PKP3: variants seen among roughly 807,000 people sequenced by gnomAD.
PKP3 encodes plakophilin 3.
A neutral mutation model predicts 76.5 loss-of-function variants in PKP3; 66 were observed. That is an observed-to-expected ratio of 0.86 (90% CI 0.71 to 1.06). The LOEUF (loss-of-function observed/expected upper bound fraction) is 1.06. Among genes scored for constraint, PKP3 ranks in the 50% least tolerant of loss-of-function variants. The probability of loss-of-function intolerance (pLI) is 0.00; values close to 1 mark genes in which losing one functional copy is unlikely to be tolerated. For synonymous variants in PKP3, 638 were observed against 516.5 expected (o/e 1.24, Z -3.19); for missense variants, 1,338 against 1,141.0 (o/e 1.17, Z -2.49).
intron 1 of PKP3, 142 bp downstream of exon 1, chr11:394,666 G>GC (rs35243563): frequency 0.75 from 518,574 of 688,802 alleles, 199,218 homozygotes; most frequent in East Asian, 1. Flanking sequence ...CCCCGCCCCA[G>GC]GGGCGTGGGG....
In PKP3 at chr11:397,444, G is replaced by A. The variant is rs763252536; in HGVS notation, c.943G>A (p.Gly315Ser). 5.1e-5 allele frequency: 83 copies of A among 1,612,024 alleles called. No individual in the cohort carries two copies. The highest frequency in any genetic ancestry group is 1.6e-4 in the Middle Eastern group (1 of 6,082). Residue 315 changes from glycine to serine, a missense_variant and splice_region_variant, in exon 3 of 13, where the codon GGT (glycine) becomes AGT (serine). Physicochemically the swap from Gly to Ser is moderately conservative, Grantham distance 56. Transcript: ENST00000331563. ...SHRTLQRLSSGFDDIDLPSAV... is the reference protein window; with the variant it reads ...SHRTLQRLSSSFDDIDLPSAV... Reference sequence around the variant, plus strand: ...CCGAACCCTGCAGAGACTCAGCAGCGGGTGAGCGGCTGGGCCCGGCTCAGG... The same window carrying A: ...CCGAACCCTGCAGAGACTCAGCAGCAGGTGAGCGGCTGGGCCCGGCTCAGG...
Position 403,724 on chromosome 11 carries a change from G to C in PKP3, c.2030G>C (p.Gly677Ala). 1 of 1,609,864 alleles carries C rather than the reference G, an allele frequency of 6.2e-7. No homozygotes were observed. The highest frequency in any genetic ancestry group is 8.5e-7 in the Non-Finnish European group (1 of 1,179,860). Residue 677 changes from glycine to alanine, a missense_variant, in exon 10 of 13, where the codon GGC (glycine) becomes GCC (alanine). Transcript: ENST00000331563. The stretch of plus-strand genomic sequence containing the variant: ...CACCACCAGCTGCGCTCACTGACTG[G>C]CCTCATCCGAAACCTGTCTCGGAAC... The part of the protein sequence containing the change: ...ADHHQLRSLT[G>A]LIRNLSRNAR...
intron 1 of PKP3, among the ~76,000 whole-genome samples, chr11:395,091 A>AC (rs1432263966): frequency 6.6e-6 from 1 of 151,856 alleles, no homozygotes; most frequent in Admixed American, 6.6e-5. Context: ...GTGGAGGAGC[A>AC]CCCCTCGGTG....
At chr11:400,777 C>A in intron 8 of PKP3, 72 bp downstream of exon 8, 17 of 863,198 alleles carry the variant, frequency 2.0e-5, no homozygotes, top group Non-Finnish European at 2.5e-5. Context: ...GCCCCGCTCA[C>A]CCCCGCCCCG....
At position 398,981 on chromosome 11, in the gene PKP3, T is replaced by C; in HGVS notation, c.1069-11T>C. 3.2e-6 allele frequency: 5 copies of C among 1,552,232 alleles called. No homozygotes were observed. Among genetic ancestry groups the C allele is most frequent in the Non-Finnish European group, 4.4e-6 (5 of 1,145,690 alleles). On this transcript the variant is annotated splice_polypyrimidine_tract_variant and intron_variant, in intron 4 of 12. Coordinates refer to ENST00000331563, the MANE Select transcript of PKP3 (RefSeq NM_007183.4). Reference sequence around the variant, plus strand: ...ATGCGTCTGTGCACCCCCATATGCCTGTGCCCGCAGGCCCGCAGCCTTCAG... The same window carrying C: ...ATGCGTCTGTGCACCCCCATATGCCCGTGCCCGCAGGCCCGCAGCCTTCAG...
chr11:403,513 C>G, intron 9 of PKP3, 105 bp from the exon 10 acceptor site: 2 of 1,163,938 alleles, frequency 1.7e-6, no homozygotes, highest in Non-Finnish European at 2.4e-6. Context: ...AAGCAGAGGC[C>G]CCCCTGAGGG....
chr11:400,674 G>C lies in PKP3; in HGVS notation c.1706G>C (p.Cys569Ser). The C allele has an allele frequency of 7.6e-7, 1 of 1,314,108 alleles. No individual in the cohort carries two copies. 81.4% of individuals were successfully genotyped at this position (1,314,108 alleles called of 1,614,324 possible). A position where few individuals can be genotyped will look rare whatever the true frequency, so the allele number is the denominator to read the frequency against. Residue 569 changes from cysteine to serine, a missense_variant, in exon 8 of 13, where the codon TGC becomes TCC. Transcript: ENST00000331563. The stretch of plus-strand genomic sequence containing the variant: ...GCGCCGCCGGGAGAGGTCGTGGGCT[G>C]CTTCACGCCGCAGAGCCGGCGGCTG... ...AGAPPGEVVG[C>S]FTPQSRRLRE...
At position 397,584 on chromosome 11, in the gene PKP3, T is replaced by C. The variant is rs892140977; in HGVS notation, c.990T>C (p.Ala330=). 12 of 1,612,012 alleles carry C rather than the reference T, an allele frequency of 7.4e-6. No homozygotes were observed. Among genetic ancestry groups the C allele is most frequent in the Non-Finnish European group, 1.0e-5 (12 of 1,179,542 alleles). Reference sequence around the variant, plus strand: ...CCTCAGCAGTCAAGTACCTCATGGCTTCAGACCCCAACCTGCAGGTGCTGG... The same window carrying C: ...CCTCAGCAGTCAAGTACCTCATGGCCTCAGACCCCAACCTGCAGGTGCTGG... ...DLPSAVKYLM[A]SDPNLQVLGA... is the part of the protein sequence containing the mutation. Residue 330 remains alanine, a synonymous_variant, in exon 4 of 13, where the codon GCT becomes GCC. Coordinates refer to ENST00000331563, the MANE Select transcript of PKP3 (RefSeq NM_007183.4).
chr11:398,941 T>C (rs1230875845), intron 4 of PKP3, 51 bp from the exon 5 acceptor site: 5 of 1,327,768 alleles, frequency 3.8e-6, no homozygotes, highest in Non-Finnish European at 5.2e-6. Context: ...AGGTGCATAG[T>C]CTGCATCCAT....
At chr11:403,536 G>A in intron 9 of PKP3, 82 bp from the exon 10 acceptor site, 1 of 1,392,126 alleles carries the variant, frequency 7.2e-7, no homozygotes, top group Non-Finnish European at 9.9e-7. Context: ...GCGAGAGGAT[G>A]CAGCGACCCC....
At chr11:399,224 C>G in intron 5 of PKP3, 28 bp downstream of exon 5, 1 of 1,453,892 alleles carries the variant, frequency 6.9e-7, no homozygotes, top group Non-Finnish European at 9.3e-7. Flanking sequence ...CTCCACCTGT[C>G]CTTCCTCCAC....
rs1847131412 is a variant in PKP3, at chr11:400,367, GA to G, written c.1484del (p.Lys495ArgfsTer152). 3.9e-6 allele frequency: 6 copies of G among 1,549,624 alleles called. No individual in the cohort carries two copies. The highest frequency in any genetic ancestry group is 5.2e-6 in the Non-Finnish European group (6 of 1,146,514). On this transcript the variant is annotated frameshift_variant, in exon 7 of 13. Transcript: ENST00000331563. LOFTEE classifies it high-confidence loss of function. The stretch of plus-strand genomic sequence containing the variant: ...GCTCAGCCTCTCAGGCCACTCGCCA[GA>G]AGATGCGGGAGTGCCACGGGCTGGT... ...LSSASQATRQ[K>X]MRECHGLVDA...
chr11:394,236 T>C lies in PKP3; in HGVS notation c.-57T>C. The C allele has an allele frequency of 7.0e-7, 1 of 1,437,636 alleles. No homozygotes were observed. Among genetic ancestry groups the C allele is most frequent in the South Asian group, 1.4e-5 (1 of 71,370 alleles). 89.1% of individuals were successfully genotyped at this position (1,437,636 alleles called of 1,614,324 possible). The stretch of plus-strand genomic sequence containing the variant: ...GGAGAGGGCCTCGAGGGACAGGACG[T>C]GAAGATAGTTGGGTTTGGAGGCGGC... On this transcript the variant is annotated 5_prime_UTR_variant, in exon 1 of 13. Coordinates refer to ENST00000331563, the MANE Select transcript of PKP3 (RefSeq NM_007183.4).
chr11:394,463 G>A lies in PKP3; in HGVS notation c.171G>A (p.Leu57=), dbSNP rs1225474501. ...QEQVRARLLQ[L]GQQPRHNGAA... ...AGGTCCGCGCCCGCCTCTTGCAGCT[G>A]GGACAGCAGCCGCGGCACAACGGGG... Residue 57 remains leucine, a synonymous_variant, in exon 1 of 13, where the codon CTG becomes CTA. Transcript: ENST00000331563. The A allele has an allele frequency of 6.2e-6, 9 of 1,442,746 alleles. No individual in the cohort carries two copies. The Admixed American group carries it at 8.4e-5, about 13-fold the overall frequency. 89.4% of individuals were successfully genotyped at this position (1,442,746 alleles called of 1,614,324 possible).
At chr11:397,828 C>G (rs186017865) in intron 4 of PKP3, 166 bp downstream of exon 4, 1 of 661,302 alleles carries the variant, frequency 1.5e-6, no homozygotes, top group Non-Finnish European at 2.5e-6. Flanking sequence ...CAGAAGGATA[C>G]AATTTGGATA....
intron 10 of PKP3, 34 bp from the exon 11 acceptor site, chr11:403,909 G>A (rs1352057668): frequency 6.4e-7 from 1 of 1,574,418 alleles, no homozygotes; most frequent in East Asian, 2.3e-5. Context: ...GTGGCCAGGA[G>A]TAGGGGTGCA....
In PKP3 at chr11:403,233, G is replaced by A. The variant is rs778405949; in HGVS notation, c.1893G>A (p.Ala631=). The A allele has an allele frequency of 7.6e-6, 12 of 1,587,868 alleles. No individual in the cohort carries two copies. The highest frequency in any genetic ancestry group is 3.5e-5 in the Admixed American group (2 of 56,670). ...ACACGACGGAGGCGGCCGCCGGGGC[G>A]CTGCAGAACATCACGGCAGGCGACC... ...NRHTTEAAAG[A]LQNITAGDRR... Residue 631 remains alanine (A), a synonymous_variant, in exon 9 of 13, where the codon GCG becomes GCA. Transcript: ENST00000331563.
At chr11:396,758 G>A (rs1448945671) in intron 2 of PKP3, 56 bp from the exon 3 acceptor site, 33 of 1,571,000 alleles carry the variant, frequency 2.1e-5, no homozygotes, top group East Asian at 9.1e-5. Flanking sequence ...GCTCTGCAGC[G>A]GGCCCGGACA....
At position 404,778 on chromosome 11, in the gene PKP3, G is replaced by C; in HGVS notation, c.*209G>C. 1.7e-6 allele frequency: 1 copy of C among 592,582 alleles called. No homozygotes were observed. Among genetic ancestry groups the C allele is most frequent in the Non-Finnish European group, 3.0e-6 (1 of 332,140 alleles). The allele number at this position is 592,582 out of a possible 1,614,324, so 36.7% of individuals were successfully genotyped here. On this transcript the variant is annotated 3_prime_UTR_variant, in exon 13 of 13. Coordinates refer to ENST00000331563, the MANE Select transcript of PKP3 (RefSeq NM_007183.4). The surrounding 1 kb of genome is among the most constrained non-coding windows in gnomAD (Gnocchi z 4.2). ...CTTGGCTTCCGCAGGGCAGGGGGTGGGGCAGGGCTCAAGGCTGCTCTGGTG... is the reference window on the plus strand; with the variant it reads ...CTTGGCTTCCGCAGGGCAGGGGGTGCGGCAGGGCTCAAGGCTGCTCTGGTG...
Sources: allele counts gnomAD v4.1 joint callset (sites outside exome capture counted in the v4.1 genomes callset), GRCh38; gene constraint gnomAD v4.1.1; non-coding constraint Gnocchi (gnomAD v3.1); transcripts MANE v1.5; gene names NCBI Gene and HGNC (gene_info 2026-07-23, HGNC 2026-07-21).